ZBTB20: variants seen among roughly 807,000 people sequenced by gnomAD.
ZBTB20 encodes the protein zinc finger and BTB domain containing 20.
ZBTB20 carries 9 observed loss-of-function variants against 56.9 expected under a neutral mutation model. The observed-to-expected ratio is 0.16, with a 90% CI of 0.10 to 0.28. ZBTB20 has a LOEUF of 0.28. Among genes scored for constraint, ZBTB20 ranks in the 10% least tolerant of loss-of-function variants. ZBTB20 has a pLI of 1.00. For missense variants in ZBTB20, 655 were observed against 1,003.0 expected (o/e 0.65, Z 4.69); for synonymous variants, 417 against 420.7 (o/e 0.99, Z 0.11).
chr3:114,773,291 T>C (rs962961186), intron 5 of ZBTB20, among the ~76,000 whole-genome samples: 2 of 152,140 alleles, frequency 1.3e-5, no homozygotes, highest in South Asian at 4.1e-4. Flanking sequence ...TGTATTGTCA[T>C]AAGCTGCTAA....
chr3:114,660,967 A>G (rs2060690047), intron 6 of ZBTB20, among the ~76,000 whole-genome samples: 1 of 152,130 alleles, frequency 6.6e-6, no homozygotes, highest in Non-Finnish European at 1.5e-5. Flanking sequence ...GCTTTTCCCC[A>G]TTGCCTAGGG....
intron 6 of ZBTB20, among the ~76,000 whole-genome samples, chr3:114,598,970 G>T (rs181668778): frequency 1.4e-5 from 2 of 146,504 alleles, no homozygotes; most frequent in African/African-American, 2.7e-5. Flanking sequence ...TTCCCTTAAC[G>T]GGGGGGGACC....
intron 2 of ZBTB20, among the ~76,000 whole-genome samples, chr3:115,004,168 C>G (rs1288450082): frequency 6.6e-6 from 1 of 151,604 alleles, no homozygotes; most frequent in African/African-American, 2.4e-5. Flanking sequence ...GTTTCAATCT[C>G]TAGTTGGTCT....
chr3:114,629,882 C>T (rs1028001815), intron 6 of ZBTB20, among the ~76,000 whole-genome samples: 25 of 152,050 alleles, frequency 1.6e-4, no homozygotes, highest in African/African-American at 5.8e-4. Context: ...ATGGGCCAGG[C>T]GCAGGGGCTC....
intron 7 of ZBTB20, among the ~76,000 whole-genome samples, chr3:114,457,476 T>C (rs1018388212): frequency 6.6e-6 from 1 of 152,134 alleles, no homozygotes; most frequent in African/African-American, 2.4e-5. Context: ...AATATACAGA[T>C]CTCTACTAGA....
At chr3:114,807,438 C>A (rs371163049) in intron 4 of ZBTB20, among the ~76,000 whole-genome samples, 16 of 152,012 alleles carry the variant, frequency 1.1e-4, no homozygotes, top group African/African-American at 3.1e-4. Flanking sequence ...TCCCCCTCCC[C>A]TGCAGCTGCT....
chr3:114,732,190 C>T lies in ZBTB20; in HGVS notation c.-342-38615G>A, dbSNP rs578124470. On this transcript the variant is annotated intron_variant, in intron 5 of 11. Coordinates refer to ENST00000675478, the MANE Select transcript of ZBTB20 (RefSeq NM_001348800.3). ...TTGCCTTTCTATACTTTCTGTAAATCAGAAGATTTCCACATCTCTAGTTAT... is the reference window on the plus strand; with the variant it reads ...TTGCCTTTCTATACTTTCTGTAAATTAGAAGATTTCCACATCTCTAGTTAT... 8.7e-4 allele frequency among the ~76,000 whole-genome samples: 132 copies of T among 152,248 alleles called. 3 individuals are homozygous for T. Among genetic ancestry groups the T allele is most frequent in the Admixed American group, 8.6e-3 (132 of 15,284 alleles).
intron 5 of ZBTB20, among the ~76,000 whole-genome samples, chr3:114,762,071 G>A (rs1409340392): frequency 6.6e-6 from 1 of 152,028 alleles, no homozygotes; most frequent in Non-Finnish European, 1.5e-5. Flanking sequence ...AGTCTGGGAG[G>A]GTTTTCCTTT....
intron 6 of ZBTB20, among the ~76,000 whole-genome samples, chr3:114,563,235 T>C (rs1296917381): frequency 6.6e-6 from 1 of 152,226 alleles, no homozygotes; most frequent in Non-Finnish European, 1.5e-5. Context: ...ATGACTTTTA[T>C]ACTGTTAACT....
rs555303159 is a variant in ZBTB20, at chr3:114,803,455, G to A, written c.-416-2281C>T. ...TTTTGTGGCACTCAGGCAAACGGCT[G>A]GGCAAAACAGATGGATCTTACTTTG... On this transcript the variant is annotated intron_variant, in intron 4 of 11. Transcript: ENST00000675478. Among the ~76,000 whole-genome samples the A allele has an allele frequency of 3.3e-5, 5 of 151,790 alleles. No homozygotes were observed. The East Asian group carries it at 5.8e-4, about 18-fold the overall frequency.
intron 6 of ZBTB20, among the ~76,000 whole-genome samples, chr3:114,590,171 C>T (rs1018195335): frequency 2.0e-4 from 30 of 152,112 alleles, no homozygotes; most frequent in Admixed American, 3.9e-4. Context: ...TAAATTGTTT[C>T]AGGCCGTGTG....
At chr3:114,738,817 C>T (rs761750814) in intron 5 of ZBTB20, among the ~76,000 whole-genome samples, 19 of 152,232 alleles carry the variant, frequency 1.2e-4, no homozygotes, top group Non-Finnish European at 1.3e-4. Context: ...AAACAGAGAA[C>T]GTTTCAAAGA....
intron 6 of ZBTB20, among the ~76,000 whole-genome samples, chr3:114,674,406 T>C (rs941307363): frequency 2.6e-5 from 4 of 152,170 alleles, no homozygotes; most frequent in Non-Finnish European, 4.4e-5. Flanking sequence ...TTGTGGTGCA[T>C]ATGTAAAGAG....
intron 1 of ZBTB20, among the ~76,000 whole-genome samples, chr3:115,127,010 T>C (rs2084351274): frequency 6.6e-6 from 1 of 152,224 alleles, no homozygotes; most frequent in Non-Finnish European, 1.5e-5. Flanking sequence ...CTTCTCACAC[T>C]TTCTGTACAT....
chr3:114,477,621 G>A (rs946672603), intron 7 of ZBTB20, among the ~76,000 whole-genome samples: 2 of 148,004 alleles, frequency 1.4e-5, no homozygotes, highest in African/African-American at 2.5e-5. Context: ...TCAGCCTCCC[G>A]AGTATCTGGG....
At chr3:114,593,385 T>A (rs1405849901) in intron 6 of ZBTB20, among the ~76,000 whole-genome samples, 1 of 125,778 alleles carries the variant, frequency 8.0e-6, no homozygotes, top group Non-Finnish European at 1.6e-5. Context: ...TTTTCTTTTC[T>A]TTTTTTTTTT....
chr3:114,610,196 A>G (rs886790783), intron 6 of ZBTB20, among the ~76,000 whole-genome samples: 5 of 152,198 alleles, frequency 3.3e-5, no homozygotes, highest in African/African-American at 1.2e-4. Context: ...AGATAAATAC[A>G]GAGATCTGTT....
At chr3:114,706,713 A>C (rs1252299589) in intron 5 of ZBTB20, among the ~76,000 whole-genome samples, 3 of 152,074 alleles carry the variant, frequency 2.0e-5, no homozygotes, top group African/African-American at 7.2e-5. Flanking sequence ...AAAAGGCCAC[A>C]CTTTCCCCAA....
At chr3:114,878,379 T>C (rs1425673777) in intron 4 of ZBTB20, among the ~76,000 whole-genome samples, 1 of 152,120 alleles carries the variant, frequency 6.6e-6, no homozygotes, top group East Asian at 1.9e-4. Flanking sequence ...TTTGGGTCTT[T>C]ATCATATGAA....
Sources: gnomAD v4.1 joint callset for allele counts (sites outside exome capture counted in the v4.1 genomes callset) on GRCh38, gnomAD v4.1.1 for gene constraint, MANE v1.5 for transcripts, NCBI Gene and HGNC (gene_info 2026-07-23, HGNC 2026-07-21) for gene names.